NKPD1: variants seen among roughly 807,000 people sequenced by gnomAD.
NKPD1 encodes NTPase KAP family P-loop domain-containing protein 1.
A neutral mutation model predicts 42.2 loss-of-function variants in NKPD1; 37 were observed. The observed-to-expected ratio is 0.88, with a 90% confidence interval of 0.67 to 1.15. The LOEUF is 1.15. Ranked by LOEUF, NKPD1 falls within the 50% of genes most tolerant of loss-of-function variation. The probability of loss-of-function intolerance (pLI) is 0.00; values close to 1 mark genes in which losing one functional copy is unlikely to be tolerated. For synonymous variants in NKPD1, 552 were observed against 536.5 expected (o/e 1.03, Z -0.40); for missense variants, 1,113 against 1,174.6 (o/e 0.95, Z 0.77).
Position 45,152,848 on chromosome 19 carries a change from G to T in NKPD1, c.1589C>A (p.Pro530His). The change falls in exon 5 of 5, where the codon CCC becomes CAC. Residue 530 changes from proline (P) to histidine (H), a missense_variant. Pro to His is a moderately conservative substitution (Grantham distance 77). Around this residue, in one of 3 missense-constraint regions of NKPD1, gnomAD observed 867 missense variants for 870.1 expected, o/e 1.00. Coordinates refer to ENST00000686631, the MANE Select transcript of NKPD1 (RefSeq NM_198478.4). ...NRTVTLPFSVPIMGRRTKLQF... is the reference protein window; with the variant it reads ...NRTVTLPFSVHIMGRRTKLQF... ...CAGCTTGGTGCGGCGGCCCATAATG[G>T]GCACAGAGAAGGGCAGCGTGACAGT... 6.3e-7 allele frequency: 1 copy of T among 1,592,900 alleles called. No homozygotes were observed. Among genetic ancestry groups the T allele is most frequent in the Non-Finnish European group, 8.6e-7 (1 of 1,166,910 alleles).
chr19:45,153,280 G>A lies in NKPD1; in HGVS notation c.1157C>T (p.Thr386Ile). 1 of 1,597,758 alleles carries A rather than the reference G, an allele frequency of 6.3e-7. No homozygotes were observed. The highest frequency in any genetic ancestry group is 1.1e-5 in the South Asian group (1 of 88,878). The change falls in exon 5 of 5, where the codon ACA becomes ATA. Residue 386 changes from threonine to isoleucine, a missense_variant. By Grantham distance (89) the Thr-to-Ile change is moderately conservative. Transcript: ENST00000686631. ...CATGAGCAGCCCCGAGCCCGACAGTGTGGTGGCCGCGCCGCCAAACACCTT... is the reference window on the plus strand; with the variant it reads ...CATGAGCAGCCCCGAGCCCGACAGTATGGTGGCCGCGCCGCCAAACACCTT... ...LLKVFGGAATTLSGSGLLMAV... is the reference protein window; with the variant it reads ...LLKVFGGAATILSGSGLLMAV...
At position 45,160,912 on chromosome 19, in the gene NKPD1, G is replaced by GTCCCAC. The variant is rs1184372147; in HGVS notation, c.-72+7_-72+12dup. Among the ~76,000 whole-genome samples, 3 of 152,042 alleles carry GTCCCAC rather than the reference G, an allele frequency of 2.0e-5. No homozygotes were observed. The highest frequency in any genetic ancestry group is 2.9e-5 in the Non-Finnish European group (2 of 67,996). ...CCACCACTCCCCACCCCCAGTCCCA[G>GTCCCAC]TCCCACTCGTACCTGACGGTGGCCT... On this transcript the variant is annotated intron_variant, in intron 1 of 4. Transcript: ENST00000686631.
At position 45,155,976 on chromosome 19, in the gene NKPD1, C is replaced by G; in HGVS notation, c.530-60G>C. On this transcript the variant is annotated intron_variant, in intron 3 of 4. Transcript: ENST00000686631. ...CACTGGCCAGGCACCACCCTCCTCC[C>G]ATCTGCCCTCCATGGCCCCCACTAT... The G allele has an allele frequency of 2.4e-6, 3 of 1,273,438 alleles. No homozygotes were observed. The South Asian group carries it at 3.9e-5, about 16-fold the overall frequency. 78.9% of individuals were successfully genotyped at this position (1,273,438 alleles called of 1,614,324 possible).
chr19:45,152,899 T>C lies in NKPD1; in HGVS notation c.1538A>G (p.Asp513Gly). ...GCGGTTGAGGAAGAGGTAGCCGTTA[T>C]CGGCCGTGCCCTTCATGTTGCCCGC... ...ESAGNMKGTA[D>G]NGYLFLNRTV... Residue 513 changes from aspartate (D) to glycine (G), a missense_variant, in exon 5 of 5, where the codon GAT becomes GGT. Coordinates refer to ENST00000686631, the MANE Select transcript of NKPD1 (RefSeq NM_198478.4). 3 of 1,582,704 alleles carry C rather than the reference T, an allele frequency of 1.9e-6. No homozygotes were observed. The highest frequency in any genetic ancestry group is 2.6e-6 in the Non-Finnish European group (3 of 1,161,644).
chr19:45,153,907 C>G, intron 4 of NKPD1, 132 bp from the exon 5 acceptor site: 2 of 909,006 alleles, frequency 2.2e-6, no homozygotes, highest in Non-Finnish European at 1.5e-6. Context: ...GGAAGCGAGC[C>G]GCGGCCGCTC....
chr19:45,161,365 T>C (rs1224185456), upstream of NKPD1, among the ~76,000 whole-genome samples: 3 of 152,188 alleles, frequency 2.0e-5, no homozygotes, highest in Admixed American at 6.5e-5. Context: ...AGGGAGGCAC[T>C]GGGTGGGAGT....
chr19:45,152,336 G>C lies in NKPD1; in HGVS notation c.2101C>G (p.Leu701Val). 7 of 1,606,318 alleles carry C rather than the reference G, an allele frequency of 4.4e-6. No homozygotes were observed. The highest frequency in any genetic ancestry group is 6.0e-6 in the Non-Finnish European group (7 of 1,176,152). ...TGCAACGCCTTGGTCATGGTGTGCA[G>C]CTCGCGGCTGTTGTCGCGGAAAACG... ...WDVFRDNSRE[L>V]HTMTKALQNV... The change falls in exon 5 of 5, where the codon CTG becomes GTG. Residue 701 changes from leucine to valine, a missense_variant. Physicochemically the swap from Leu to Val is conservative, Grantham distance 32 (BLOSUM62 1). This residue lies in a region of NKPD1 where 867 missense variants were observed against 870.1 expected (regional missense o/e 1.00). Transcript: ENST00000686631.
chr19:45,161,260 G>A (rs114308214), upstream of NKPD1, among the ~76,000 whole-genome samples: 1,281 of 152,312 alleles, frequency 8.4e-3, 15 homozygotes, highest in African/African-American at 0.029. Flanking sequence ...CAGCTCCTCC[G>A]TGGCCCAGGT....
chr19:45,152,108 G>GTAC lies in NKPD1; in HGVS notation c.2328_2329insGTA (p.Thr776_Pro777insVal). ...CTGTTGGCCCGGTGGGCAGCGTGGG[G>GTAC]GGTATCGCGGGTAGGGGACTTGGGC... On this transcript the variant is annotated inframe_insertion, in exon 5 of 5. Coordinates refer to ENST00000686631, the MANE Select transcript of NKPD1 (RefSeq NM_198478.4). The GTAC allele has an allele frequency of 6.2e-7, 1 of 1,604,884 alleles. No individual in the cohort carries two copies. The highest frequency in any genetic ancestry group is 2.2e-5 in the East Asian group (1 of 44,684).
chr19:45,154,000 A>G (rs10420443), intron 4 of NKPD1: 5,257 of 444,864 alleles, frequency 0.012, 214 homozygotes, highest in African/African-American at 0.092. Context: ...TCTGAAGGCC[A>G]GGCTGTGGGG....
chr19:45,158,710 G>T lies in NKPD1; in HGVS notation c.482C>A (p.Pro161His), dbSNP rs764503678. Reference sequence around the variant, plus strand: ...GCCACAGGCCGCTGGGGCGGGCAGGGGCCGGGCATCAGTGGGCTCGCTGGG... The same window carrying T: ...GCCACAGGCCGCTGGGGCGGGCAGGTGCCGGGCATCAGTGGGCTCGCTGGG... ...LKPSEPTDAR[P>H]LPAPAACGSF... Residue 161 changes from proline to histidine, a missense_variant, in exon 3 of 5, where the codon CCC becomes CAC. Transcript: ENST00000686631. The surrounding 1 kb of genome is among the most constrained non-coding windows in gnomAD (Gnocchi z 4.6). 8.9e-5 allele frequency: 107 copies of T among 1,198,800 alleles called. No individual in the cohort carries two copies. The highest frequency in any genetic ancestry group is 1.7e-4 in the Admixed American group (5 of 28,706). 74.3% of individuals were successfully genotyped at this position (1,198,800 alleles called of 1,614,324 possible).
chr19:45,152,449 CA>C lies in NKPD1; in HGVS notation c.1987del (p.Trp663GlyfsTer5). The C allele has an allele frequency of 1.3e-6, 2 of 1,557,226 alleles. No homozygotes were observed. Among genetic ancestry groups the C allele is most frequent in the Non-Finnish European group, 1.7e-6 (2 of 1,156,428 alleles). On this transcript the variant is annotated frameshift_variant, in exon 5 of 5. Transcript: ENST00000686631. LOFTEE classifies it low-confidence loss of function (END_TRUNC). ...CAGCGCCCAGCTCAGGCGGCACGGC[CA>C]CTGGTTGGCGAGCACCACCCACGCC... ...AVAWVVLANQ[W>X]PCRLSWALQC...
In NKPD1 at chr19:45,158,401, G is replaced by A. The variant is rs1235490154; in HGVS notation, c.529+262C>T. On this transcript the variant is annotated intron_variant, in intron 3 of 4. Coordinates refer to ENST00000686631, the MANE Select transcript of NKPD1 (RefSeq NM_198478.4). This position sits in a 1 kb window ranked among gnomAD's most constrained non-coding sequence, Gnocchi z 4.6. ...GAGCCAGGGTGTCGGCAGAGGGAAA[G>A]GGGGAAGGAGAGGGAGGCCTTCACT... Among the ~76,000 whole-genome samples the A allele has an allele frequency of 6.6e-6, 1 of 152,270 alleles. No homozygotes were observed. The highest frequency in any genetic ancestry group is 2.4e-5 in the African/African-American group (1 of 41,478).
In NKPD1 at chr19:45,152,894, C is replaced by A; in HGVS notation, c.1543G>T (p.Gly515Cys). The change falls in exon 5 of 5, where the codon GGC becomes TGC. Residue 515 changes from glycine to cysteine, a missense_variant. This residue lies in a region of NKPD1 where 867 missense variants were observed against 870.1 expected (regional missense o/e 1.00). Coordinates refer to ENST00000686631, the MANE Select transcript of NKPD1 (RefSeq NM_198478.4). The part of the protein sequence containing the change: ...AGNMKGTADN[G>C]YLFLNRTVTL... ...ACAGTGCGGTTGAGGAAGAGGTAGC[C>A]GTTATCGGCCGTGCCCTTCATGTTG... 6.3e-7 allele frequency: 1 copy of A among 1,581,710 alleles called. No individual in the cohort carries two copies. The highest frequency in any genetic ancestry group is 1.1e-5 in the South Asian group (1 of 87,896).
In NKPD1 at chr19:45,151,679, CG is replaced by C; in HGVS notation, c.*258del. 2.3e-6 allele frequency: 1 copy of C among 442,242 alleles called. No homozygotes were observed. The highest frequency in any genetic ancestry group is 4.0e-6 in the Non-Finnish European group (1 of 251,356). 27.4% of individuals were successfully genotyped at this position (442,242 alleles called of 1,614,324 possible). ...CAGATCAGGATGCGGAGAGCAACTC[CG>C]GGCTCTCAACACCTCCATTTATTGC... On this transcript the variant is annotated 3_prime_UTR_variant, in exon 5 of 5. Coordinates refer to ENST00000686631, the MANE Select transcript of NKPD1 (RefSeq NM_198478.4).
chr19:45,155,581 G>A (rs1272650517), intron 4 of NKPD1, among the ~76,000 whole-genome samples: 2 of 152,210 alleles, frequency 1.3e-5, no homozygotes, highest in Non-Finnish European at 2.9e-5. Context: ...TGGATTTGGT[G>A]GCAGAAGCAG....
chr19:45,161,988 C>CT (rs1969015267), upstream of NKPD1, among the ~76,000 whole-genome samples: 1 of 3,658 alleles, frequency 2.7e-4, no homozygotes, highest in Non-Finnish European at 5.1e-4. Context: ...GACCTGGGAC[C>CT]CCGTCTCCTC....
In NKPD1 at chr19:45,159,024, G is replaced by A; in HGVS notation, c.168C>T (p.His56=). 2 of 1,302,070 alleles carry A rather than the reference G, an allele frequency of 1.5e-6. No homozygotes were observed. The highest frequency in any genetic ancestry group is 2.0e-6 in the Non-Finnish European group (2 of 988,386). 80.7% of individuals were successfully genotyped at this position (1,302,070 alleles called of 1,614,324 possible). ...HGPCRPSPQS[H]WQLAYHSHQV... Reference sequence around the variant, plus strand: ...GGTGGCTGTGGTAGGCCAGCTGCCAGTGTGATTGGGGGGAAGGCCGACAGG... The same window carrying A: ...GGTGGCTGTGGTAGGCCAGCTGCCAATGTGATTGGGGGGAAGGCCGACAGG... Residue 56 remains histidine (H), a synonymous_variant, in exon 3 of 5, where the codon CAC becomes CAT. Transcript: ENST00000686631.
chr19:45,159,021 C>T lies in NKPD1; in HGVS notation c.171G>A (p.Trp57Ter). The change falls in exon 3 of 5, where the codon TGG (tryptophan) becomes TGA (stop). Residue 57 changes from tryptophan (W) to a stop codon, truncating the protein, a stop_gained. Coordinates refer to ENST00000686631, the MANE Select transcript of NKPD1 (RefSeq NM_198478.4). LOFTEE classifies it high-confidence loss of function. The stretch of plus-strand genomic sequence containing the variant: ...CTTGGTGGCTGTGGTAGGCCAGCTG[C>T]CAGTGTGATTGGGGGGAAGGCCGAC... The part of the protein sequence containing the change: ...GPCRPSPQSH[W>*]QLAYHSHQVG... 2.3e-6 allele frequency: 3 copies of T among 1,301,438 alleles called. No homozygotes were observed. Among genetic ancestry groups the T allele is most frequent in the Non-Finnish European group, 3.0e-6 (3 of 988,182 alleles). The allele number at this position is 1,301,438 out of a possible 1,614,324, so 80.6% of individuals were successfully genotyped here.
Sources: gnomAD v4.1 joint callset for allele counts (sites outside exome capture counted in the v4.1 genomes callset) on GRCh38, gnomAD v4.1.1 for gene constraint, gnomAD v4.1.1 regional missense constraint, Gnocchi (gnomAD v3.1) non-coding constraint, MANE v1.5 for transcripts, NCBI Gene and HGNC (gene_info 2026-07-23, HGNC 2026-07-21) for gene names.